GPC5: variants seen among roughly 807,000 people sequenced by gnomAD.
GPC5 encodes the protein glypican-5.
Under a neutral mutation model 53.9 loss-of-function variants are expected in GPC5, and 47 were observed. The ratio of observed to expected loss-of-function variants is 0.87; its 90% CI spans 0.69 to 1.11. GPC5 has a LOEUF of 1.11. Ranked by LOEUF, GPC5 falls within the 50% of genes most tolerant of loss-of-function variation. The pLI is 0.00. For missense variants in GPC5, 748 were observed against 713.1 expected (o/e 1.05, Z -0.56); for synonymous variants, 286 against 263.3 (o/e 1.09, Z -0.84).
intron 7 of GPC5, among the ~76,000 whole-genome samples, chr13:92,310,559 A>G (rs11841308): frequency 0.023 from 3,441 of 152,292 alleles, 141 homozygotes; most frequent in African/African-American, 0.079. Flanking sequence ...GATGGCCTCC[A>G]TAAAACTATT....
At chr13:92,303,682 G>T (rs2043090753) in intron 7 of GPC5, among the ~76,000 whole-genome samples, 1 of 152,148 alleles carries the variant, frequency 6.6e-6, no homozygotes, top group African/African-American at 2.4e-5. Flanking sequence ...CAGCTGATCA[G>T]CGAGGATGTG....
At chr13:91,823,666 T>C (rs2038530239) in intron 5 of GPC5, among the ~76,000 whole-genome samples, 1 of 152,096 alleles carries the variant, frequency 6.6e-6, no homozygotes, top group African/African-American at 2.4e-5. Flanking sequence ...TTTATTAATC[T>C]CTTAAAAATT....
At chr13:91,861,505 T>C (rs545675425) in intron 5 of GPC5, among the ~76,000 whole-genome samples, 20 of 152,166 alleles carry the variant, frequency 1.3e-4, no homozygotes, top group South Asian at 2.1e-4. Context: ...CCAGTTTACA[T>C]TGTATTTTGC....
intron 5 of GPC5, among the ~76,000 whole-genome samples, chr13:91,896,767 A>G (rs1286083259): frequency 2.0e-5 from 3 of 152,152 alleles, no homozygotes; most frequent in Non-Finnish European, 4.4e-5. Flanking sequence ...AATTACCACT[A>G]TTAGGAATCT....
intron 7 of GPC5, among the ~76,000 whole-genome samples, chr13:92,772,292 T>G (rs535923340): frequency 6.6e-6 from 1 of 152,288 alleles, no homozygotes; most frequent in African/African-American, 2.4e-5. Flanking sequence ...ATTTCCAACG[T>G]CATCTCACTT....
chr13:91,637,780 A>G (rs1217639040), intron 2 of GPC5, among the ~76,000 whole-genome samples: 3 of 152,212 alleles, frequency 2.0e-5, no homozygotes, highest in Non-Finnish European at 2.9e-5. Context: ...TTGACCTACA[A>G]AAATGAAGTT....
chr13:92,788,104 T>C (rs1286942507), intron 7 of GPC5, among the ~76,000 whole-genome samples: 1 of 151,886 alleles, frequency 6.6e-6, no homozygotes, highest in African/African-American at 2.4e-5. Context: ...AAATGTAAAA[T>C]ATGATAAAGC....
At chr13:92,462,102 G>A (rs1878507653) in intron 7 of GPC5, among the ~76,000 whole-genome samples, 1 of 152,212 alleles carries the variant, frequency 6.6e-6, no homozygotes, top group Non-Finnish European at 1.5e-5. Context: ...CCTTGCCAGC[G>A]ATAGGGAAAA....
intron 7 of GPC5, among the ~76,000 whole-genome samples, chr13:92,438,959 G>A (rs1877436550): frequency 1.3e-5 from 2 of 152,104 alleles, no homozygotes; most frequent in South Asian, 2.1e-4. Flanking sequence ...CCTATACACA[G>A]CCAAGTATAG....
Position 91,478,821 on chromosome 13 carries a change from ATACACACACACACATATATATACACAT to A in GPC5, c.325+29902_325+29928del, listed in dbSNP as rs796833908. On this transcript the variant is annotated intron_variant, in intron 2 of 7. Transcript: ENST00000377067. ...TATATATATATATATATATATATAT[ATACACACACACACATATATATACACAT>A]TATATATATATACACACACATATAT... is the stretch of plus-strand genomic sequence containing the variant. Among the ~76,000 whole-genome samples the A allele has an allele frequency of 4.5e-3, 460 of 101,246 alleles. 7 individuals carry two copies. The highest frequency in any genetic ancestry group is 9.7e-3 in the Middle Eastern group (2 of 206). 66.4% of individuals were successfully genotyped at this position (101,246 alleles called of 152,430 possible).
intron 7 of GPC5, among the ~76,000 whole-genome samples, chr13:92,373,712 T>C (rs1237692520): frequency 6.6e-6 from 1 of 152,200 alleles, no homozygotes; most frequent in Non-Finnish European, 1.5e-5. Context: ...GTTATAAAAC[T>C]GAAATTGTAT....
At chr13:91,519,546 A>G (rs893898789) in intron 2 of GPC5, among the ~76,000 whole-genome samples, 6 of 152,216 alleles carry the variant, frequency 3.9e-5, no homozygotes, top group Non-Finnish European at 7.3e-5. Context: ...TTCTTCGGCC[A>G]TGTGAAGATG....
intron 7 of GPC5, among the ~76,000 whole-genome samples, chr13:92,717,699 TA>T (rs1888376842): frequency 6.6e-6 from 1 of 152,210 alleles, no homozygotes; most frequent in African/African-American, 2.4e-5. Flanking sequence ...AGAAATAATT[TA>T]ATGCTGAAAA....
At chr13:91,828,982 A>G (rs7995130) in intron 5 of GPC5, among the ~76,000 whole-genome samples, 93,142 of 151,880 alleles carry the variant, frequency 0.61, 29,084 homozygotes, top group East Asian at 0.95. Context: ...TAATGACATA[A>G]TGTCAAAGTG....
intron 6 of GPC5, among the ~76,000 whole-genome samples, chr13:92,048,963 C>T (rs1046311175): frequency 3.9e-5 from 6 of 152,086 alleles, no homozygotes; most frequent in Admixed American, 3.3e-4. Context: ...TTATTTGGAA[C>T]AGATTTATTT....
At chr13:91,555,613 A>G (rs1471237532) in intron 2 of GPC5, among the ~76,000 whole-genome samples, 1 of 152,038 alleles carries the variant, frequency 6.6e-6, no homozygotes, top group Admixed American at 6.6e-5. Flanking sequence ...GTAGGTTTGC[A>G]TAGACCAGCT....
At chr13:92,807,375 T>A (rs989336709) in intron 7 of GPC5, among the ~76,000 whole-genome samples, 3 of 152,046 alleles carry the variant, frequency 2.0e-5, no homozygotes, top group Non-Finnish European at 4.4e-5. Context: ...ATAATATTAG[T>A]TTATGGAGAA....
intron 7 of GPC5, among the ~76,000 whole-genome samples, chr13:92,692,900 T>C (rs1447269011): frequency 6.6e-6 from 1 of 151,726 alleles, no homozygotes; most frequent in Non-Finnish European, 1.5e-5. Context: ...CACCCAAATC[T>C]CATCTCAAAT....
At chr13:91,743,997 C>T (rs1232213560) in intron 4 of GPC5, among the ~76,000 whole-genome samples, 2 of 151,040 alleles carry the variant, frequency 1.3e-5, no homozygotes. Flanking sequence ...TTTTGATCTA[C>T]TGGTTTCACC....
Sources: allele counts gnomAD v4.1 joint callset (sites outside exome capture counted in the v4.1 genomes callset), GRCh38; gene constraint gnomAD v4.1.1; transcripts MANE v1.5; gene names NCBI Gene and HGNC (gene_info 2026-07-23, HGNC 2026-07-21).